The following ELOVL4 variants were observed in gnomAD, a reference collection of about 807,000 sequenced individuals.
The protein encoded by ELOVL4 is very long chain fatty acid elongase 4.
Under a neutral mutation model 42.1 loss-of-function variants are expected in ELOVL4, and 18 were observed. That is an observed-to-expected ratio of 0.43 (90% CI 0.30 to 0.63). The LOEUF (loss-of-function observed/expected upper bound fraction) is 0.63. ELOVL4 is among the 30% of genes least tolerant of loss of function. The pLI is 0.15. For missense variants in ELOVL4, 299 were observed against 376.2 expected (o/e 0.79, Z 1.70); for synonymous variants, 117 against 127.0 (o/e 0.92, Z 0.53).
At chr6:79,921,309 A>C (rs1289787736) in intron 4 of ELOVL4, among the ~76,000 whole-genome samples, 1 of 151,602 alleles carries the variant, frequency 6.6e-6, no homozygotes, top group Non-Finnish European at 1.5e-5. Flanking sequence ...AAAATACAAA[A>C]AATTAGCTAG....
chr6:79,919,501 G>A lies in ELOVL4; in HGVS notation c.588C>T (p.Tyr196=), dbSNP rs1444387348. Residue 196 remains tyrosine (Y), a synonymous_variant, in exon 5 of 6, where the codon TAC becomes TAT. Transcript: ENST00000369816. ...QLNSFIHVIM[Y]SYYGLTAFGP... is the part of the protein sequence containing the mutation. ...CAAATGCAGTTAACCCATAGTATGAGTACATAATCACATGGATAAAGGAAT... is the reference window on the plus strand; with the variant it reads ...CAAATGCAGTTAACCCATAGTATGAATACATAATCACATGGATAAAGGAAT... 3.1e-6 allele frequency: 5 copies of A among 1,613,326 alleles called. No individual in the cohort carries two copies. The highest frequency in any genetic ancestry group is 4.2e-6 in the Non-Finnish European group (5 of 1,179,646).
Position 79,947,522 on chromosome 6 carries a change from A to C in ELOVL4, c.-243T>G. On this transcript the variant is annotated 5_prime_UTR_variant, in exon 1 of 6. Transcript: ENST00000369816. The stretch of plus-strand genomic sequence containing the variant: ...AAAGACGAGGAGGTGGAGGAGGCCC[A>C]GCCGCCAGCACAGTGCGCTGCACCA... 3.7e-6 allele frequency: 2 copies of C among 543,966 alleles called. No homozygotes were observed. The highest frequency in any genetic ancestry group is 6.6e-6 in the Non-Finnish European group (2 of 302,814). 33.7% of individuals were successfully genotyped at this position (543,966 alleles called of 1,614,324 possible). A position where few individuals can be genotyped will look rare whatever the true frequency, so the allele number is the denominator to read the frequency against.
intron 1 of ELOVL4, among the ~76,000 whole-genome samples, chr6:79,933,562 C>A (rs1425750882): frequency 6.6e-6 from 1 of 152,056 alleles, no homozygotes; most frequent in African/African-American, 2.4e-5. Flanking sequence ...ATGGTAGAGG[C>A]AGTGGGGTGT....
chr6:79,933,589 G>A (rs1647941156), intron 1 of ELOVL4, among the ~76,000 whole-genome samples: 1 of 152,088 alleles, frequency 6.6e-6, no homozygotes. Context: ...AGGGGAAGGG[G>A]ATATGTCAAG....
chr6:79,921,586 G>A, intron 4 of ELOVL4, 39 bp downstream of exon 4: 2 of 1,579,652 alleles, frequency 1.3e-6, no homozygotes, highest in South Asian at 2.2e-5. Flanking sequence ...ACACATATAT[G>A]CAATTAAACG....
At chr6:79,917,441 A>T (rs1194582500) in intron 5 of ELOVL4, among the ~76,000 whole-genome samples, 1 of 152,208 alleles carries the variant, frequency 6.6e-6, no homozygotes, top group Non-Finnish European at 1.5e-5. Flanking sequence ...CATACTTAAA[A>T]TGAGCTTATC....
chr6:79,917,295 T>C (rs1774179544), intron 5 of ELOVL4, among the ~76,000 whole-genome samples: 1 of 152,148 alleles, frequency 6.6e-6, no homozygotes, highest in Admixed American at 6.5e-5. Context: ...TGAATATGTG[T>C]TGAATAATGT....
chr6:79,923,603 T>C (rs1774294847), intron 3 of ELOVL4, among the ~76,000 whole-genome samples: 2 of 152,110 alleles, frequency 1.3e-5, no homozygotes, highest in South Asian at 2.1e-4. Flanking sequence ...ATCTGAGTAG[T>C]CTCTCATTTT....
chr6:79,942,361 A>G (rs1465848892), intron 1 of ELOVL4, among the ~76,000 whole-genome samples: 1 of 152,244 alleles, frequency 6.6e-6, no homozygotes, highest in Non-Finnish European at 1.5e-5. Flanking sequence ...GTTTGTTAAC[A>G]GGCAAAATGT....
In ELOVL4 at chr6:79,914,898, C is replaced by T. The variant is rs1774131858; in HGVS notation, c.*1710G>A. 1 of 152,392 alleles carries T rather than the reference C, an allele frequency of 6.6e-6. No homozygotes were observed. Among genetic ancestry groups the T allele is most frequent in the African/African-American group, 2.4e-5 (1 of 41,310 alleles). The allele number at this position is 152,392 out of a possible 1,614,324, so 9.4% of individuals were successfully genotyped here. A position where few individuals can be genotyped will look rare whatever the true frequency, so the allele number is the denominator to read the frequency against. ...CTCTTGGGAACCAGTACAGAATGTT[C>T]ACAAAGATTTACAAATCTCAGTCAT... On this transcript the variant is annotated 3_prime_UTR_variant, in exon 6 of 6. Transcript: ENST00000369816.
chr6:79,922,772 TTTTG>T (rs1165772057), intron 3 of ELOVL4, among the ~76,000 whole-genome samples: 2 of 152,202 alleles, frequency 1.3e-5, no homozygotes, highest in Non-Finnish European at 2.9e-5. Context: ...GTCATGAGAT[TTTTG>T]TTTGTTTTGG....
At chr6:79,918,163 A>G (rs529655030) in intron 5 of ELOVL4, among the ~76,000 whole-genome samples, 2 of 152,210 alleles carry the variant, frequency 1.3e-5, no homozygotes, top group East Asian at 3.9e-4. Context: ...AATCAGTATT[A>G]CTTATTTTAA....
At chr6:79,931,454 A>C (rs1258399637) in intron 1 of ELOVL4, among the ~76,000 whole-genome samples, 1 of 152,200 alleles carries the variant, frequency 6.6e-6, no homozygotes, top group African/African-American at 2.4e-5. Flanking sequence ...CTTTAATCTT[A>C]AGGGAGAGAA....
intron 1 of ELOVL4, among the ~76,000 whole-genome samples, chr6:79,939,420 A>G (rs1419055100): frequency 1.3e-5 from 2 of 152,022 alleles, no homozygotes; most frequent in African/African-American, 4.8e-5. Context: ...GAAACTCTAT[A>G]CCTATTAAAC....
intron 5 of ELOVL4, 43 bp from the exon 6 acceptor site, chr6:79,916,926 G>A: frequency 1.2e-6 from 2 of 1,611,978 alleles, no homozygotes. Flanking sequence ...AATCTGAATA[G>A]TAAACAACTT....
intron 5 of ELOVL4, 96 bp from the exon 6 acceptor site, chr6:79,916,979 A>C (rs1319502708): frequency 1.2e-5 from 18 of 1,459,134 alleles, no homozygotes; most frequent in Non-Finnish European, 1.5e-5. Context: ...ACAGGCCCAA[A>C]TTTTGCCACA....
Position 79,926,205 on chromosome 6 carries a change from T to TA in ELOVL4, c.276dup (p.Ile93TyrfsTer11). On this transcript the variant is annotated frameshift_variant, in exon 2 of 6. Coordinates refer to ENST00000369816, the MANE Select transcript of ELOVL4 (RefSeq NM_022726.4). LOFTEE classifies it high-confidence loss of function. ...TCTTAAAAACATACCTCTCTGAAGA[T>TA]AAAGAGGTTAAGCAAAACCATCCCA... is the stretch of plus-strand genomic sequence containing the variant. The TA allele has an allele frequency of 6.2e-7, 1 of 1,612,236 alleles. No homozygotes were observed. The highest frequency in any genetic ancestry group is 8.5e-7 in the Non-Finnish European group (1 of 1,178,516).
chr6:79,937,675 G>A (rs1582054327), intron 1 of ELOVL4, among the ~76,000 whole-genome samples: 1 of 152,130 alleles, frequency 6.6e-6, no homozygotes, highest in East Asian at 1.9e-4. Flanking sequence ...GGTATTTATT[G>A]AATAAATAAG....
rs1774150352 is a variant in ELOVL4 at position 79,915,858 on chromosome 6, A to AAT, written c.*748_*749dup. 6.6e-6 allele frequency: 1 copy of AAT among 152,636 alleles called. No individual in the cohort carries two copies. 9.5% of individuals were successfully genotyped at this position (152,636 alleles called of 1,614,324 possible). ...ATCAGACAATAATCTTAATTTTCAT[A>AAT]ATATATTTCTGCTACTAACAGGAGT... On this transcript the variant is annotated 3_prime_UTR_variant, in exon 6 of 6. Coordinates refer to ENST00000369816, the MANE Select transcript of ELOVL4 (RefSeq NM_022726.4).
Sources: gnomAD v4.1 joint callset for allele counts (sites outside exome capture counted in the v4.1 genomes callset) on GRCh38, gnomAD v4.1.1 for gene constraint, MANE v1.5 for transcripts, NCBI Gene and HGNC (gene_info 2026-07-23, HGNC 2026-07-21) for gene names.